ARMC9: variants seen among roughly 807,000 people sequenced by gnomAD.
The protein encoded by ARMC9 is armadillo repeat containing 9.
A neutral mutation model predicts 107.0 loss-of-function variants in ARMC9; 94 were observed. That is an observed-to-expected ratio of 0.88 (90% CI 0.74 to 1.04). ARMC9 has a LOEUF of 1.04. ARMC9 is among the 50% of genes least tolerant of loss of function. The pLI is 0.00. For synonymous variants in ARMC9, 380 were observed against 396.9 expected, an observed-to-expected ratio of 0.96 and a Z score of 0.51; for missense variants, 942 against 1,030.1, an observed-to-expected ratio of 0.91 and a Z score of 1.17.
chr2:231,317,032 C>T (rs913944374), intron 19 of ARMC9, among the ~76,000 whole-genome samples: 6 of 152,122 alleles, frequency 3.9e-5, no homozygotes, highest in Non-Finnish European at 7.4e-5. Flanking sequence ...CTGTTAATTG[C>T]ATATTTTATC....
At chr2:231,307,540 G>C (rs113290924) in intron 19 of ARMC9, among the ~76,000 whole-genome samples, 1 of 152,326 alleles carries the variant, frequency 6.6e-6, no homozygotes, top group South Asian at 2.1e-4. Flanking sequence ...AAGCATCAGC[G>C]TAGAGGGAAT....
chr2:231,292,450 T>C (rs1280712175), intron 18 of ARMC9, among the ~76,000 whole-genome samples: 1 of 152,168 alleles, frequency 6.6e-6, no homozygotes. Context: ...ATTCATTCAC[T>C]GCAGAAAAAC....
chr2:231,339,149 GAA>G (rs1161098432), intron 20 of ARMC9, among the ~76,000 whole-genome samples: 2 of 152,132 alleles, frequency 1.3e-5, no homozygotes, highest in Non-Finnish European at 2.9e-5. Flanking sequence ...CCAACATGGT[GAA>G]ACTCCGTCTC....
intron 1 of ARMC9, among the ~76,000 whole-genome samples, chr2:231,203,420 G>A (rs539347363): frequency 2.6e-5 from 4 of 152,170 alleles, no homozygotes; most frequent in Non-Finnish European, 4.4e-5. Flanking sequence ...GACTCACAGC[G>A]CTCATGGCCC....
intron 14 of ARMC9, among the ~76,000 whole-genome samples, chr2:231,274,442 T>C (rs1443164754): frequency 6.6e-6 from 1 of 152,184 alleles, no homozygotes; most frequent in Non-Finnish European, 1.5e-5. Flanking sequence ...TGTCCTTCAG[T>C]TGATTGGCAT....
chr2:231,202,159 C>G (rs1208788410), intron 1 of ARMC9, among the ~76,000 whole-genome samples: 4 of 151,854 alleles, frequency 2.6e-5, no homozygotes, highest in Non-Finnish European at 5.9e-5. Context: ...GCCACCACAC[C>G]CGGCTAATTT....
chr2:231,283,533 G>A (rs1275575806), intron 17 of ARMC9, among the ~76,000 whole-genome samples: 3 of 152,096 alleles, frequency 2.0e-5, no homozygotes, highest in African/African-American at 4.8e-5. Context: ...GGGTTCAGGC[G>A]ATTCTCCTGT....
chr2:231,204,564 C>T (rs2031665921), intron 1 of ARMC9, among the ~76,000 whole-genome samples: 1 of 152,146 alleles, frequency 6.6e-6, no homozygotes, highest in South Asian at 2.1e-4. Context: ...TCAATTTCCA[C>T]TCCGTCCATG....
chr2:231,299,421 T>C (rs2041586957), intron 19 of ARMC9, among the ~76,000 whole-genome samples: 1 of 152,086 alleles, frequency 6.6e-6, no homozygotes, highest in Admixed American at 6.6e-5. Flanking sequence ...TAAGGAAGTT[T>C]GGGTGAAAAA....
chr2:231,259,103 G>T lies in ARMC9; in HGVS notation c.1026+1G>T, dbSNP rs1356806462. On this transcript the variant is annotated splice_donor_variant, in intron 11 of 24. Coordinates refer to ENST00000611582, the MANE Select transcript of ARMC9 (RefSeq NM_001352754.2). LOFTEE classifies it high-confidence loss of function. ...CTTCTTGTTGCAGGCTCTGCGCTGG[G>T]TAGGTACCTTTGTCTTAAAGTTAGA... 1 of 1,609,850 alleles carries T rather than the reference G, an allele frequency of 6.2e-7. No individual in the cohort carries two copies. The highest frequency in any genetic ancestry group is 1.3e-5 in the African/African-American group (1 of 74,766).
chr2:231,256,577 T>TC lies in ARMC9; in HGVS notation c.880-3dup, dbSNP rs1431750612. On this transcript the variant is annotated splice_polypyrimidine_tract_variant and intron_variant, in intron 9 of 24. Coordinates refer to ENST00000611582, the MANE Select transcript of ARMC9 (RefSeq NM_001352754.2). ...CACCATCTGTTTTCTTCTGTCCTCT[T>TC]CCCCCCAGGCATCCACCATGTTACG... is the stretch of plus-strand genomic sequence containing the variant. 6.2e-7 allele frequency: 1 copy of TC among 1,613,708 alleles called. No homozygotes were observed. The highest frequency in any genetic ancestry group is 8.5e-7 in the Non-Finnish European group (1 of 1,179,818).
intron 19 of ARMC9, among the ~76,000 whole-genome samples, chr2:231,304,426 A>T (rs1211801682): frequency 6.6e-6 from 1 of 152,010 alleles, no homozygotes; most frequent in Non-Finnish European, 1.5e-5. Flanking sequence ...ACGAAGTCTC[A>T]CTCTATCGCC....
rs1315673649 is a variant in ARMC9, at chr2:231,282,059, A to T, written c.1552A>T (p.Ile518Leu). The T allele has an allele frequency of 6.2e-7, 1 of 1,614,010 alleles. No individual in the cohort carries two copies. Among genetic ancestry groups the T allele is most frequent in the South Asian group, 1.1e-5 (1 of 91,076 alleles). ...ACTGGTTTTTTTCCTCCCCTTAAAG[A>T]TACAGCCGTATGTGAATGGAGCTCT... ...SDLLGHENHEIQPYVNGALYS... is the reference protein window; with the variant it reads ...SDLLGHENHELQPYVNGALYS... Residue 518 changes from isoleucine to leucine, a missense_variant and splice_region_variant, in exon 17 of 25, where the codon ATA becomes TTA. Coordinates refer to ENST00000611582, the MANE Select transcript of ARMC9 (RefSeq NM_001352754.2).
At position 231,283,207 on chromosome 2, in the gene ARMC9, A is replaced by T. The variant is rs533111279; in HGVS notation, c.1626+1074A>T. 5.9e-5 allele frequency among the ~76,000 whole-genome samples: 9 copies of T among 152,286 alleles called. 1 individual carries two copies. In the East Asian group the frequency reaches 1.7e-3, roughly 29 times the overall value. On this transcript the variant is annotated intron_variant, in intron 17 of 24. Transcript: ENST00000611582. The stretch of plus-strand genomic sequence containing the variant: ...GACAACTTCCGAAACCTATGTGACA[A>T]CATCAGGTCTGACAGATACCCAATA...
chr2:231,260,659 TG>T (rs1416934700), intron 11 of ARMC9, among the ~76,000 whole-genome samples: 11 of 152,078 alleles, frequency 7.2e-5, no homozygotes, highest in African/African-American at 2.2e-4. Flanking sequence ...CTAGAGTGGG[TG>T]GGGCAGCATG....
intron 16 of ARMC9, 134 bp downstream of exon 16, chr2:231,278,592 G>A: frequency 1.4e-6 from 1 of 723,970 alleles, no homozygotes; most frequent in Non-Finnish European, 2.3e-6. Flanking sequence ...CTGTCCTTCT[G>A]GGATTTTCAT....
At chr2:231,356,362 C>T (rs982126708) in intron 22 of ARMC9, among the ~76,000 whole-genome samples, 17 of 152,166 alleles carry the variant, frequency 1.1e-4, no homozygotes, top group Admixed American at 2.6e-4. Flanking sequence ...GGGATCCAAA[C>T]GCCTTTGAAA....
Position 231,273,058 on chromosome 2 carries a change from C to G in ARMC9, c.1314C>G (p.Ala438=), listed in dbSNP as rs114966997. 1,096 of 1,613,614 alleles carry G rather than the reference C, an allele frequency of 6.8e-4. 7 individuals are homozygous for G. In the African/African-American group the frequency reaches 0.013, roughly 19 times the overall value. The change falls in exon 14 of 25, where the codon GCC becomes GCG. Residue 438 remains alanine, a synonymous_variant. Transcript: ENST00000611582. ...TCACCAGGGAGAATGTTCTTGGGGC[C>G]CTGCAGAAGTTCAGTCTCAGGTAAC... ...DIITRENVLG[A]LQKFSLRRPL...
chr2:231,303,280 A>G (rs890765016), intron 19 of ARMC9, among the ~76,000 whole-genome samples: 8 of 152,172 alleles, frequency 5.3e-5, no homozygotes, highest in Non-Finnish European at 1.0e-4. Context: ...GATTTTCTGT[A>G]TAACAAGATT....
Sources: allele counts gnomAD v4.1 joint callset (sites outside exome capture counted in the v4.1 genomes callset), GRCh38; gene constraint gnomAD v4.1.1; transcripts MANE v1.5; gene names NCBI Gene and HGNC (gene_info 2026-07-23, HGNC 2026-07-21).